The following PCDH15 variants were observed in gnomAD, a reference collection of about 807,000 sequenced individuals.
PCDH15 encodes the protein protocadherin-15.
Under a neutral mutation model 178.5 loss-of-function variants are expected in PCDH15, and 129 were observed. That is an observed-to-expected ratio of 0.72 (90% CI 0.63 to 0.84). PCDH15 has a LOEUF of 0.84. Among genes scored for constraint, PCDH15 ranks in the 40% least tolerant of loss-of-function variants. The pLI, the probability that PCDH15 is intolerant of heterozygous loss-of-function variation, is 0.00. For missense variants in PCDH15, 2,230 were observed against 2,099.9 expected, an observed-to-expected ratio of 1.06 and a Z score of -1.21; for synonymous variants, 800 against 732.0, an observed-to-expected ratio of 1.09 and a Z score of -1.50.
At chr10:54,854,694 C>A (rs1953705235) in intron 3 of PCDH15, among the ~76,000 whole-genome samples, 1 of 152,162 alleles carries the variant, frequency 6.6e-6, no homozygotes, top group African/African-American at 2.4e-5. Flanking sequence ...ATCAGGACAT[C>A]TGCCCAGCTC....
rs1344169547 is a variant in PCDH15 at position 55,467,214 on chromosome 10, CA to C, written c.-156+160410del. 1.1e-4 allele frequency among the ~76,000 whole-genome samples: 17 copies of C among 152,148 alleles called. No individual in the cohort carries two copies. The East Asian group carries it at 3.3e-3, about 29-fold the overall frequency. On this transcript the variant is annotated intron_variant, in intron 2 of 5. Transcript: ENST00000613346. Reference sequence around the variant, plus strand: ...AAAATCCAAGCAAATAAAATGAAATCAAAAACCAAAACAGGAAAAGAAAAAA... The same window carrying C: ...AAAATCCAAGCAAATAAAATGAAATCAAAACCAAAACAGGAAAAGAAAAAA...
Position 54,333,564 on chromosome 10 carries a change from TA to T in PCDH15, c.595-3859del, listed in dbSNP as rs5785065. 7.1e-3 allele frequency among the ~76,000 whole-genome samples: 1,021 copies of T among 143,792 alleles called. 15 individuals are homozygous for T. Among genetic ancestry groups the T allele is most frequent in the African/African-American group, 0.025 (972 of 39,198 alleles). The allele number at this position is 143,792 out of a possible 152,430, so 94.3% of individuals were successfully genotyped here. ...TTCTGAAGTGTTTACCTAAAAAGTT[TA>T]AAAAAAAAAAAGCTAAATTAAGCAA... On this transcript the variant is annotated intron_variant, in intron 6 of 37. Transcript: ENST00000644397.
chr10:54,191,379 T>A (rs1475008783), intron 11 of PCDH15, among the ~76,000 whole-genome samples: 1 of 152,132 alleles, frequency 6.6e-6, no homozygotes, highest in Non-Finnish European at 1.5e-5. Context: ...ACACTGAGTA[T>A]AAGTTATCCA....
intron 2 of PCDH15, among the ~76,000 whole-genome samples, chr10:54,554,824 A>C (rs2086995668): frequency 6.6e-6 from 1 of 152,182 alleles, no homozygotes; most frequent in Admixed American, 6.5e-5. Context: ...CCAATTCCTA[A>C]CTGAACATTT....
chr10:55,179,750 AG>A (rs1340683472), intron 1 of PCDH15, among the ~76,000 whole-genome samples: 1 of 151,754 alleles, frequency 6.6e-6, no homozygotes, highest in Non-Finnish European at 1.5e-5. Context: ...CAGGAGTGAA[AG>A]GGGTGTATTG....
chr10:55,007,025 A>G (rs1363104840), intron 2 of PCDH15, among the ~76,000 whole-genome samples: 1 of 152,116 alleles, frequency 6.6e-6, no homozygotes, highest in Non-Finnish European at 1.5e-5. Flanking sequence ...AGCACCCACA[A>G]GCATCTCTCT....
intron 2 of PCDH15, among the ~76,000 whole-genome samples, chr10:54,932,667 G>C (rs1016005043): frequency 1.3e-5 from 2 of 152,168 alleles, no homozygotes; most frequent in African/African-American, 4.8e-5. Context: ...CTCCTGAGTA[G>C]CTGGGATTAC....
At chr10:54,281,770 A>G (rs796338753) in intron 8 of PCDH15, among the ~76,000 whole-genome samples, 3 of 152,174 alleles carry the variant, frequency 2.0e-5, no homozygotes, top group African/African-American at 7.2e-5. Context: ...ACTAATAAAT[A>G]TGAAATGAAG....
At chr10:54,046,781 T>C (rs904401484) in intron 18 of PCDH15, among the ~76,000 whole-genome samples, 1 of 152,164 alleles carries the variant, frequency 6.6e-6, no homozygotes, top group African/African-American at 2.4e-5. Flanking sequence ...TACATTTATC[T>C]TTAAATCACT....
chr10:54,373,689 G>A (rs752035787), intron 4 of PCDH15, among the ~76,000 whole-genome samples: 11 of 151,892 alleles, frequency 7.2e-5, no homozygotes, highest in Admixed American at 1.3e-4. Context: ...GATACTAATA[G>A]CAACTTTTAT....
At chr10:55,466,727 G>C (rs1345267331) in intron 2 of PCDH15, among the ~76,000 whole-genome samples, 1 of 152,094 alleles carries the variant, frequency 6.6e-6, no homozygotes, top group African/African-American at 2.4e-5. Context: ...GGAAGGAACT[G>C]AAATCACCTA....
intron 2 of PCDH15, among the ~76,000 whole-genome samples, chr10:54,984,812 G>C (rs1839323876): frequency 6.6e-6 from 1 of 152,148 alleles, no homozygotes; most frequent in Non-Finnish European, 1.5e-5. Context: ...AGTCCAGCCT[G>C]GGCCACAGAG....
At position 53,806,350 on chromosome 10, in the gene PCDH15, C is replaced by A; in HGVS notation, c.*229G>T. 3 of 440,942 alleles carry A rather than the reference C, an allele frequency of 6.8e-6. No homozygotes were observed. Among genetic ancestry groups the A allele is most frequent in the East Asian group, 3.6e-5 (1 of 27,806 alleles). The allele number at this position is 440,942 out of a possible 1,614,324, so 27.3% of individuals were successfully genotyped here. On this transcript the variant is annotated 3_prime_UTR_variant, in exon 38 of 38. Coordinates refer to ENST00000644397, the MANE Select transcript of PCDH15 (RefSeq NM_001384140.1). ...CCAACAAAACAGCTAAATGTTTAAA[C>A]GATAGGTTATTTAGTGAAAGTATGT...
chr10:55,077,247 A>C, intron 2 of PCDH15, among the ~76,000 whole-genome samples: 1 of 152,098 alleles, frequency 6.6e-6, no homozygotes, highest in Non-Finnish European at 1.5e-5. Context: ...ATAACTTTTA[A>C]GTGAATAATT....
rs1041471540 is a variant in PCDH15, at chr10:54,239,430, T to TAGAGAGAGAGAGAG, written c.877-2500_877-2499insCTCTCTCTCTCTCT. Among the ~76,000 whole-genome samples the TAGAGAGAGAGAGAG allele has an allele frequency of 7.8e-3, 1,116 of 142,706 alleles. 9 individuals carry two copies. Among genetic ancestry groups the TAGAGAGAGAGAGAG allele is most frequent in the African/African-American group, 0.028 (967 of 34,496 alleles). The allele number at this position is 142,706 out of a possible 152,430, so 93.6% of individuals were successfully genotyped here. A position where few individuals can be genotyped will look rare whatever the true frequency, so the allele number is the denominator to read the frequency against. ...CTGTGATTAAATATATATATATATA[T>TAGAGAGAGAGAGAG]ATAGAGTAAGAACTGAAGAACTAAA... On this transcript the variant is annotated intron_variant, in intron 8 of 37. Transcript: ENST00000644397.
At position 54,757,428 on chromosome 10, in the gene PCDH15, G is replaced by A. The variant is rs1340022015; in HGVS notation, c.-29+43497C>T. 1.0e-4 allele frequency among the ~76,000 whole-genome samples: 9 copies of A among 87,984 alleles called. 2 individuals carry two copies. The highest frequency in any genetic ancestry group is 2.1e-4 in the African/African-American group (4 of 19,354). 57.7% of individuals were successfully genotyped at this position (87,984 alleles called of 152,430 possible). A position where few individuals can be genotyped will look rare whatever the true frequency, so the allele number is the denominator to read the frequency against. ...CTCCCGAGTAGCTGGGACTACAGGC[G>A]CGCGCCACCATGCCCGGCTAATTTT... On this transcript the variant is annotated intron_variant, in intron 1 of 37. Coordinates refer to ENST00000644397, the MANE Select transcript of PCDH15 (RefSeq NM_001384140.1).
chr10:54,065,779 G>T (rs2135799967), intron 18 of PCDH15, among the ~76,000 whole-genome samples: 1 of 152,296 alleles, frequency 6.6e-6, no homozygotes, highest in South Asian at 2.1e-4. Flanking sequence ...GCTTCAACTG[G>T]TCAATCAAAA....
chr10:55,076,161 T>C (rs1841881217), intron 2 of PCDH15, among the ~76,000 whole-genome samples: 1 of 152,212 alleles, frequency 6.6e-6, no homozygotes, highest in African/African-American at 2.4e-5. Context: ...ATATGGCCTA[T>C]TCTAGAGACT....
chr10:54,714,189 A>G (rs1591224417), intron 1 of PCDH15, among the ~76,000 whole-genome samples: 1 of 152,172 alleles, frequency 6.6e-6, no homozygotes, highest in Admixed American at 6.6e-5. Context: ...TAATCAGAGA[A>G]GGAGATCTCT....
Sources: gnomAD v4.1 joint callset for allele counts (sites outside exome capture counted in the v4.1 genomes callset) on GRCh38, gnomAD v4.1.1 for gene constraint, MANE v1.5 for transcripts, NCBI Gene and HGNC (gene_info 2026-07-23, HGNC 2026-07-21) for gene names.